The following PPFIBP1 variants were observed in gnomAD, a reference collection of about 807,000 sequenced individuals.
PPFIBP1 encodes PPFIB scaffold protein 1.
PPFIBP1 carries 112 observed loss-of-function variants against 137.8 expected under a neutral mutation model. The ratio of observed to expected loss-of-function variants is 0.81; its 90% CI spans 0.70 to 0.95. The LOEUF is 0.95. Among genes scored for constraint, PPFIBP1 ranks in the 40% least tolerant of loss-of-function variants. PPFIBP1 has a pLI of 0.00. For missense variants in PPFIBP1, 1,083 were observed against 1,196.6 expected (o/e 0.91, Z 1.40); for synonymous variants, 378 against 417.3 (o/e 0.91, Z 1.15).
In PPFIBP1 at chr12:27,680,253, C is replaced by T. The variant is rs76577608; in HGVS notation, c.1895+192C>T. 3.3e-3 allele frequency among the ~76,000 whole-genome samples: 502 copies of T among 152,260 alleles called. 3 individuals are homozygous for T. The highest frequency in any genetic ancestry group is 0.011 in the African/African-American group (455 of 41,536). On this transcript the variant is annotated intron_variant, in intron 21 of 29. Coordinates refer to ENST00000228425, the MANE Select transcript of PPFIBP1 (RefSeq NM_003622.4). ...GAACAAACAGAAGGTGAGGGCTGTGCGAACTAGGGGAGAGGCCAGAGCTAA... is the reference window on the plus strand; with the variant it reads ...GAACAAACAGAAGGTGAGGGCTGTGTGAACTAGGGGAGAGGCCAGAGCTAA...
At chr12:27,690,452 C>T (rs1201163695) in intron 27 of PPFIBP1, among the ~76,000 whole-genome samples, 1 of 152,214 alleles carries the variant, frequency 6.6e-6, no homozygotes, top group East Asian at 1.9e-4. Context: ...GGTGTTCCCT[C>T]TTAGGTGGGC....
chr12:27,688,181 AT>A, intron 25 of PPFIBP1, 116 bp from the exon 26 acceptor site: 1 of 1,189,138 alleles, frequency 8.4e-7, no homozygotes, highest in Non-Finnish European at 1.2e-6. Flanking sequence ...TTAAAAGAGA[AT>A]TTTTCCCTTT....
At chr12:27,551,582 G>A (rs1374705439) in intron 1 of PPFIBP1, among the ~76,000 whole-genome samples, 1 of 152,144 alleles carries the variant, frequency 6.6e-6, no homozygotes, top group African/African-American at 2.4e-5. Context: ...ATGTTCCATT[G>A]TGTAATGTAA....
At chr12:27,649,254 T>A (rs1406773995) in intron 6 of PPFIBP1, among the ~76,000 whole-genome samples, 1 of 152,250 alleles carries the variant, frequency 6.6e-6, no homozygotes, top group Non-Finnish European at 1.5e-5. Flanking sequence ...TCTTTTTCCC[T>A]GTATGACATT....
intron 2 of PPFIBP1, among the ~76,000 whole-genome samples, chr12:27,631,147 A>C (rs574176191): frequency 6.6e-6 from 1 of 152,066 alleles, no homozygotes; most frequent in African/African-American, 2.4e-5. Flanking sequence ...ACATTCCTTT[A>C]TACTCCTCAT....
At chr12:27,526,226 AAGAAGAGT>A (rs1196464932) in intron 1 of PPFIBP1, among the ~76,000 whole-genome samples, 2 of 152,352 alleles carry the variant, frequency 1.3e-5, no homozygotes, top group Middle Eastern at 3.4e-3. Flanking sequence ...CGGTTCAGTA[AAGAAGAGT>A]ATCTTTAGGA....
At chr12:27,595,069 C>CCAAA (rs2053031850) in intron 2 of PPFIBP1, among the ~76,000 whole-genome samples, 1 of 152,168 alleles carries the variant, frequency 6.6e-6, no homozygotes, top group African/African-American at 2.4e-5. Context: ...GATTAATGGA[C>CCAAA]CAAACATCAC....
At position 27,674,178 on chromosome 12, in the gene PPFIBP1, A is replaced by T. The variant is rs1459379970; in HGVS notation, c.1381-14A>T. 1 of 1,588,194 alleles carries T rather than the reference A, an allele frequency of 6.3e-7. No homozygotes were observed. The highest frequency in any genetic ancestry group is 1.2e-5 in the South Asian group (1 of 86,172). On this transcript the variant is annotated splice_polypyrimidine_tract_variant and intron_variant, in intron 16 of 29. Transcript: ENST00000228425. The stretch of plus-strand genomic sequence containing the variant: ...TTCCCTAACAACCTTAAATATTGTT[A>T]TTGCTTTGAACAGGAAAAGGAAACT...
intron 2 of PPFIBP1, among the ~76,000 whole-genome samples, chr12:27,606,209 T>G (rs1192498976): frequency 6.6e-6 from 1 of 152,262 alleles, no homozygotes; most frequent in Non-Finnish European, 1.5e-5. Flanking sequence ...TATGGCTACT[T>G]CTCTTGCAGC....
At chr12:27,592,233 A>C (rs1025177327) in intron 2 of PPFIBP1, among the ~76,000 whole-genome samples, 1 of 152,202 alleles carries the variant, frequency 6.6e-6, no homozygotes, top group African/African-American at 2.4e-5. Flanking sequence ...TAGAGGATGA[A>C]TATGCAATGG....
At chr12:27,674,953 C>T (rs1186391353) in intron 17 of PPFIBP1, among the ~76,000 whole-genome samples, 2 of 150,016 alleles carry the variant, frequency 1.3e-5, no homozygotes, top group East Asian at 2.0e-4. Context: ...GCTGGGATTA[C>T]AGGCGTGCAC....
intron 11 of PPFIBP1, among the ~76,000 whole-genome samples, chr12:27,661,562 G>T (rs2059553488): frequency 6.6e-6 from 1 of 152,164 alleles, no homozygotes; most frequent in African/African-American, 2.4e-5. Flanking sequence ...GAAAGTAATG[G>T]GTTTCTTCGT....
At chr12:27,688,819 C>T (rs1310369583) in intron 26 of PPFIBP1, among the ~76,000 whole-genome samples, 196 bp from the exon 27 acceptor site, 1 of 152,160 alleles carries the variant, frequency 6.6e-6, no homozygotes, top group Non-Finnish European at 1.5e-5. Flanking sequence ...CCAGCTCTAT[C>T]ACTCACTAAC....
rs766048912 is a variant in PPFIBP1 at position 27,608,469 on chromosome 12, C to G, written c.-35-24893C>G. On this transcript the variant is annotated intron_variant, in intron 2 of 29. Coordinates refer to ENST00000228425, the MANE Select transcript of PPFIBP1 (RefSeq NM_003622.4). ...ATCTTTAGAATGTTAAGCGGACTCC[C>G]AAGACAGTCAAAACCTGCCATAATT... Among the ~76,000 whole-genome samples, 6 of 152,124 alleles carry G rather than the reference C, an allele frequency of 3.9e-5. 1 individual carries two copies. Among genetic ancestry groups the G allele is most frequent in the South Asian group, 2.1e-4 (1 of 4,826 alleles).
At chr12:27,680,993 A>T (rs1186440593) in intron 21 of PPFIBP1, among the ~76,000 whole-genome samples, 8 of 150,834 alleles carry the variant, frequency 5.3e-5, no homozygotes, top group African/African-American at 9.7e-5. Flanking sequence ...TGTACTATTT[A>T]AAAAAAACCA....
rs770072685 is a variant in PPFIBP1, at chr12:27,656,609, C to T, written c.697-7C>T. On this transcript the variant is annotated splice_region_variant and splice_polypyrimidine_tract_variant and intron_variant, in intron 8 of 29. Coordinates refer to ENST00000228425, the MANE Select transcript of PPFIBP1 (RefSeq NM_003622.4). Reference sequence around the variant, plus strand: ...CTGCTATTTTTAAATGAATTTGTAACTTGTAGGATGAACTGGCATCTTTAA... The same window carrying T: ...CTGCTATTTTTAAATGAATTTGTAATTTGTAGGATGAACTGGCATCTTTAA... The T allele has an allele frequency of 5.2e-6, 8 of 1,536,636 alleles. No homozygotes were observed. The highest frequency in any genetic ancestry group is 7.2e-6 in the Non-Finnish European group (8 of 1,110,460).
In PPFIBP1 at chr12:27,646,075, T is replaced by G. The variant is rs73294067; in HGVS notation, c.284T>G (p.Leu95Arg). 0.025 allele frequency: 40,981 copies of G among 1,607,604 alleles called. 614 individuals are homozygous for G. The highest frequency in any genetic ancestry group is 0.031 in the South Asian group (2,796 of 90,912). Reference sequence around the variant, plus strand: ...TTCCTTTTTCAGACAAATGGACACCTACCAGGGAACGGAGATGTGTATCAA... The same window carrying G: ...TTCCTTTTTCAGACAAATGGACACCGACCAGGGAACGGAGATGTGTATCAA... ...WLQSQMTNGH[L>R]PGNGDVYQER... Residue 95 changes from leucine (L) to arginine (R), a missense_variant, in exon 5 of 30, where the codon CTA (leucine) becomes CGA (arginine). Coordinates refer to ENST00000228425, the MANE Select transcript of PPFIBP1 (RefSeq NM_003622.4).
chr12:27,679,659 AGTG>A lies in PPFIBP1; in HGVS notation c.1766+22_1766+24del. The A allele has an allele frequency of 6.2e-7, 1 of 1,611,402 alleles. No homozygotes were observed. The highest frequency in any genetic ancestry group is 8.5e-7 in the Non-Finnish European group (1 of 1,177,904). On this transcript the variant is annotated intron_variant, in intron 20 of 29. Transcript: ENST00000228425. ...TGGAAAGTAAGTAAAGCAGTAAACAAGTGGAATGGGCCCTGTCTTACATGTTGC... is the reference window on the plus strand; with the variant it reads ...TGGAAAGTAAGTAAAGCAGTAAACAAGAATGGGCCCTGTCTTACATGTTGC...
At chr12:27,554,488 G>A (rs754208866) in intron 1 of PPFIBP1, among the ~76,000 whole-genome samples, 6 of 152,224 alleles carry the variant, frequency 3.9e-5, no homozygotes, top group Admixed American at 1.3e-4. Flanking sequence ...AAAATAATCC[G>A]TACAAACGAT....
Sources: allele counts gnomAD v4.1 joint callset (sites outside exome capture counted in the v4.1 genomes callset), GRCh38; gene constraint gnomAD v4.1.1; transcripts MANE v1.5; gene names NCBI Gene and HGNC (gene_info 2026-07-23, HGNC 2026-07-21).